The following DDX31 variants were observed in gnomAD, a reference collection of about 807,000 sequenced individuals.
The protein encoded by DDX31 is ATP-dependent DNA helicase DDX31.
In DDX31, 70 loss-of-function variants were observed where a neutral mutation model predicts 91.3. The ratio of observed to expected loss-of-function variants is 0.77; its 90% CI spans 0.63 to 0.94. The LOEUF is 0.94. DDX31 is among the 40% of genes least tolerant of loss of function. The probability of loss-of-function intolerance (pLI) is 0.00; values close to 1 mark genes in which losing one functional copy is unlikely to be tolerated. For synonymous variants in DDX31, 362 were observed against 350.6 expected (o/e 1.03, Z -0.36); for missense variants, 902 against 925.0 (o/e 0.98, Z 0.32).
At chr9:132,666,576 T>C (rs1218437583) in intron 1 of DDX31, among the ~76,000 whole-genome samples, 1 of 152,152 alleles carries the variant, frequency 6.6e-6, no homozygotes, top group Non-Finnish European at 1.5e-5. Flanking sequence ...CCAGCTGGAG[T>C]GCAGTGATCT....
chr9:132,611,207 T>C (rs1441109028), intron 19 of DDX31, among the ~76,000 whole-genome samples: 1 of 152,108 alleles, frequency 6.6e-6, no homozygotes, highest in Non-Finnish European at 1.5e-5. Context: ...CAATGCAAAC[T>C]AACCATCCAC....
In DDX31 at chr9:132,630,323, C is replaced by T; in HGVS notation, c.1572G>A (p.Leu524=). 1.9e-6 allele frequency: 3 copies of T among 1,601,138 alleles called. No individual in the cohort carries two copies. Among genetic ancestry groups the T allele is most frequent in the Non-Finnish European group, 2.6e-6 (3 of 1,169,358 alleles). ...CTGCCTCCGAAGGAGCCAAAATGAG[C>T]AGGCTGCTCCCATGGCAGCCAATCC... The part of the protein sequence containing the change: ...TARIGCHGSS[L]LILAPSEAEY... Residue 524 remains leucine, a synonymous_variant, in exon 16 of 20, where the codon CTG becomes CTA. Transcript: ENST00000372159.
intron 1 of DDX31, chr9:132,663,401 C>T (rs144558558): frequency 2.0e-6 from 2 of 985,228 alleles, no homozygotes; most frequent in African/African-American, 1.7e-5. Context: ...TCTGAGTCCC[C>T]GAGTCTCTGC....
intron 14 of DDX31, among the ~76,000 whole-genome samples, chr9:132,639,857 T>G (rs1196973875): frequency 2.0e-5 from 3 of 152,236 alleles, no homozygotes; most frequent in East Asian, 1.9e-4. Context: ...CAAAGGTTCC[T>G]ACTGCTTTCT....
intron 18 of DDX31, among the ~76,000 whole-genome samples, chr9:132,615,034 G>A (rs1304037884): frequency 1.3e-5 from 2 of 150,366 alleles, no homozygotes; most frequent in Non-Finnish European, 3.0e-5. Flanking sequence ...AGAAGGAACA[G>A]GGGCTGTGGG....
At chr9:132,601,784 T>C (rs1404377937) in intron 19 of DDX31, among the ~76,000 whole-genome samples, 1 of 152,198 alleles carries the variant, frequency 6.6e-6, no homozygotes, top group Non-Finnish European at 1.5e-5. Context: ...CAAGCCCCTC[T>C]GAGCAGGGGT....
intron 16 of DDX31, 52 bp from the exon 17 acceptor site, chr9:132,625,797 C>G: frequency 6.9e-7 from 1 of 1,445,738 alleles, no homozygotes; most frequent in African/African-American, 1.4e-5. Flanking sequence ...CAAAAACACC[C>G]AAGACCTTGA....
chr9:132,623,963 G>A (rs1304399645), intron 17 of DDX31, among the ~76,000 whole-genome samples: 3 of 151,988 alleles, frequency 2.0e-5, no homozygotes, highest in African/African-American at 7.2e-5. Flanking sequence ...TCAGGAGTTC[G>A]AGACCAGCCT....
chr9:132,614,662 TTCCTCTCC>T (rs1421311694), intron 18 of DDX31, among the ~76,000 whole-genome samples: 16 of 152,282 alleles, frequency 1.1e-4, no homozygotes, highest in South Asian at 4.1e-4. Context: ...GTCACCTCTC[TTCCTCTCC>T]TCCTCTCCAC....
At chr9:132,599,291 G>C (rs1830603307) in intron 19 of DDX31, among the ~76,000 whole-genome samples, 1 of 152,220 alleles carries the variant, frequency 6.6e-6, no homozygotes, top group Non-Finnish European at 1.5e-5. Flanking sequence ...TAATGCAAGA[G>C]CTGGAATTTG....
intron 6 of DDX31, among the ~76,000 whole-genome samples, chr9:132,654,876 G>A (rs1471431942): frequency 6.7e-6 from 1 of 150,076 alleles, no homozygotes; most frequent in Non-Finnish European, 1.5e-5. Flanking sequence ...AATCCGGGAG[G>A]TGGAGGTTTC....
At chr9:132,627,990 G>GCGCACT (rs1832499373) in intron 16 of DDX31, among the ~76,000 whole-genome samples, 1 of 152,212 alleles carries the variant, frequency 6.6e-6, no homozygotes, top group Non-Finnish European at 1.5e-5. Context: ...TCTTCCCACT[G>GCGCACT]CGCACTTTGC....
In DDX31 at chr9:132,607,881, C is replaced by A. The variant is rs962593632; in HGVS notation, c.1994+4206G>T. Among the ~76,000 whole-genome samples, 32 of 152,278 alleles carry A rather than the reference C, an allele frequency of 2.1e-4. 1 individual carries two copies. Among genetic ancestry groups the A allele is most frequent in the Non-Finnish European group, 4.1e-4 (28 of 68,032 alleles). On this transcript the variant is annotated intron_variant, in intron 19 of 19. Coordinates refer to ENST00000372159, the MANE Select transcript of DDX31 (RefSeq NM_022779.9). ...TTCTATATTATTGAGCCATTTTCCA[C>A]AGAGTGGCAGCGAAATGAGAGAGAA...
At chr9:132,618,265 G>A in intron 18 of DDX31, 65 bp downstream of exon 18, 1 of 1,407,446 alleles carries the variant, frequency 7.1e-7, no homozygotes, top group Non-Finnish European at 9.7e-7. Context: ...GGGTATGTGG[G>A]TGAAGGTGGG....
intron 19 of DDX31, among the ~76,000 whole-genome samples, chr9:132,607,446 G>C (rs925328981): frequency 6.6e-6 from 1 of 152,202 alleles, no homozygotes; most frequent in Non-Finnish European, 1.5e-5. Flanking sequence ...CAAAATTATT[G>C]CATTACTGAT....
chr9:132,652,448 C>G lies in DDX31; in HGVS notation c.633G>C (p.Glu211Asp), dbSNP rs1409867360. ...PYALVLVPTR[E>D]LALQSFDTVQ... ...TTGTCCCAAAAGGGAGCCTGCTTAC[C>G]TCTCTCGTTGGCACGAGCACCAGGG... is the stretch of plus-strand genomic sequence containing the variant. Residue 211 changes from glutamate to aspartate, a missense_variant and splice_region_variant, in exon 7 of 20, where the codon GAG (glutamate) becomes GAC (aspartate). Transcript: ENST00000372159. 1 of 1,614,076 alleles carries G rather than the reference C, an allele frequency of 6.2e-7. No individual in the cohort carries two copies. The highest frequency in any genetic ancestry group is 1.3e-5 in the African/African-American group (1 of 75,046).
rs1833969722 is a variant in DDX31 at position 132,648,409 on chromosome 9, TATC to T, written c.860+20_860+22del. ...GAAACAGCCCTTCTCTTCTACCTGT[TATC>T]ATCCTGGGACGAGGCTCACCTGTCT... On this transcript the variant is annotated intron_variant, in intron 10 of 19. Transcript: ENST00000372159. The T allele has an allele frequency of 6.2e-7, 1 of 1,612,108 alleles. No homozygotes were observed. The highest frequency in any genetic ancestry group is 1.3e-5 in the African/African-American group (1 of 74,782).
chr9:132,623,312 C>T (rs1832161807), intron 17 of DDX31, among the ~76,000 whole-genome samples: 1 of 151,680 alleles, frequency 6.6e-6, no homozygotes, highest in South Asian at 2.1e-4. Context: ...AATCCCAGCA[C>T]TTTGGGAGGC....
At position 132,625,756 on chromosome 9, in the gene DDX31, A is replaced by G. The variant is rs1419621212; in HGVS notation, c.1632-11T>C. ...TTAATCTCAGAAACGCTGTAAAAGG[A>G]AGGGCACAGCAAGGTAACTTTTTGC... On this transcript the variant is annotated splice_polypyrimidine_tract_variant and intron_variant, in intron 16 of 19. Coordinates refer to ENST00000372159, the MANE Select transcript of DDX31 (RefSeq NM_022779.9). 6.2e-7 allele frequency: 1 copy of G among 1,611,642 alleles called. No homozygotes were observed. Among genetic ancestry groups the G allele is most frequent in the Middle Eastern group, 1.7e-4 (1 of 6,056 alleles).
Sources: allele counts gnomAD v4.1 joint callset (sites outside exome capture counted in the v4.1 genomes callset), GRCh38; gene constraint gnomAD v4.1.1; transcripts MANE v1.5; gene names NCBI Gene and HGNC (gene_info 2026-07-23, HGNC 2026-07-21).